ADARB2: variants seen among roughly 807,000 people sequenced by gnomAD.
ADARB2 encodes the protein inactive double-stranded RNA-specific editase B2.
A neutral mutation model predicts 62.2 loss-of-function variants in ADARB2; 25 were observed. The ratio of observed to expected loss-of-function variants is 0.40; its 90% CI spans 0.29 to 0.56. The LOEUF (loss-of-function observed/expected upper bound fraction) is 0.56, where lower values mean the gene tolerates loss of function less well. ADARB2 is among the 20% of genes least tolerant of loss of function. ADARB2 has a pLI of 0.43. For missense variants in ADARB2, 1,071 were observed against 1,077.4 expected (o/e 0.99, Z 0.08); for synonymous variants, 572 against 500.8 (o/e 1.14, Z -1.90).
At chr10:1,539,533 T>C (rs2138692) in intron 1 of ADARB2, among the ~76,000 whole-genome samples, 56,383 of 152,082 alleles carry the variant, frequency 0.37, 10,904 homozygotes, top group East Asian at 0.74. Context: ...AAACAGGAAA[T>C]GAAACACAAC....
At chr10:1,190,375 C>T (rs184959861) in intron 8 of ADARB2, among the ~76,000 whole-genome samples, 4 of 152,348 alleles carry the variant, frequency 2.6e-5, no homozygotes, top group Admixed American at 6.5e-5. Flanking sequence ...CTGTGATGCA[C>T]CTCCTGCCTT....
At chr10:1,534,791 A>G (rs2944719) in intron 1 of ADARB2, 80,733 of 166,904 alleles carry the variant, frequency 0.48, 20,069 homozygotes, top group African/African-American at 0.54. Flanking sequence ...GAGATTTGAT[A>G]TCTGCTTCCC....
intron 3 of ADARB2, among the ~76,000 whole-genome samples, chr10:1,356,348 G>A (rs1443903437): frequency 6.6e-6 from 1 of 152,240 alleles, no homozygotes; most frequent in Non-Finnish European, 1.5e-5. Flanking sequence ...GGGAAGAATG[G>A]TCCCAGAGAC....
intron 1 of ADARB2, among the ~76,000 whole-genome samples, chr10:1,485,182 C>A (rs921540043): frequency 6.6e-6 from 1 of 151,008 alleles, no homozygotes; most frequent in Non-Finnish European, 1.5e-5. Context: ...ATGTAGATAC[C>A]TATGTAGGTA....
At chr10:1,416,814 G>A (rs1308933550) in intron 1 of ADARB2, among the ~76,000 whole-genome samples, 2 of 152,246 alleles carry the variant, frequency 1.3e-5, no homozygotes, top group Non-Finnish European at 2.9e-5. Flanking sequence ...ACCCCATTAG[G>A]TCAGCCAACC....
intron 1 of ADARB2, among the ~76,000 whole-genome samples, chr10:1,475,377 G>A (rs976489837): frequency 6.6e-6 from 1 of 152,170 alleles, no homozygotes; most frequent in Non-Finnish European, 1.5e-5. Context: ...GTGCTGTGAC[G>A]GGAAGGCAGG....
At chr10:1,266,523 C>T (rs913259667) in intron 4 of ADARB2, among the ~76,000 whole-genome samples, 2 of 150,902 alleles carry the variant, frequency 1.3e-5, no homozygotes, top group Admixed American at 6.6e-5. Flanking sequence ...GGGGGGGGGC[C>T]GTGCCCACAA....
chr10:1,728,455 TTCTC>T (rs960781629), intron 1 of ADARB2, among the ~76,000 whole-genome samples: 3 of 152,216 alleles, frequency 2.0e-5, no homozygotes, highest in African/African-American at 7.2e-5. Flanking sequence ...TATTTCAACT[TTCTC>T]TATTTGAATA....
At chr10:1,206,095 CAT>C (rs1837058252) in intron 7 of ADARB2, among the ~76,000 whole-genome samples, 1 of 152,256 alleles carries the variant, frequency 6.6e-6, no homozygotes, top group Admixed American at 6.5e-5. Context: ...CCAGGCCACA[CAT>C]ATCTCATTTC....
At position 1,475,697 on chromosome 10, in the gene ADARB2, G is replaced by A. The variant is rs1285392549; in HGVS notation, c.101-96537C>T. On this transcript the variant is annotated intron_variant, in intron 1 of 9. Transcript: ENST00000381312. The stretch of plus-strand genomic sequence containing the variant: ...ACCTTATTATGAGAATTCTATGAAC[G>A]CTTGATGTGTGATGGATATTTTGCA... Among the ~76,000 whole-genome samples the A allele has an allele frequency of 3.9e-5, 6 of 152,310 alleles. No individual in the cohort carries two copies. The South Asian group carries it at 1.2e-3, about 32-fold the overall frequency.
In ADARB2 at chr10:1,244,555, G is replaced by A. The variant is rs1017132904; in HGVS notation, c.1193-2256C>T. On this transcript the variant is annotated intron_variant, in intron 4 of 9. Transcript: ENST00000381312. ...ACTCTGCCACACTCAGCACAATTAC[G>A]TGGCCCAAGAAGTGTTTGCATATTC... 6.6e-5 allele frequency among the ~76,000 whole-genome samples: 10 copies of A among 152,154 alleles called. No homozygotes were observed. In the East Asian group the frequency reaches 7.7e-4, roughly 12 times the overall value.
At chr10:1,206,360 A>G (rs952728133) in intron 7 of ADARB2, among the ~76,000 whole-genome samples, 9 of 151,680 alleles carry the variant, frequency 5.9e-5, no homozygotes, top group African/African-American at 2.2e-4. Flanking sequence ...TGTGCGTCTG[A>G]GAGAACTGGG....
At chr10:1,245,435 T>C (rs1427494356) in intron 4 of ADARB2, among the ~76,000 whole-genome samples, 7 of 152,190 alleles carry the variant, frequency 4.6e-5, no homozygotes, top group African/African-American at 1.4e-4. Context: ...GTGCTGCACC[T>C]GTTAACTTGT....
At chr10:1,711,577 A>G (rs746113371) in intron 1 of ADARB2, among the ~76,000 whole-genome samples, 14 of 152,230 alleles carry the variant, frequency 9.2e-5, no homozygotes, top group Non-Finnish European at 1.5e-4. Context: ...GAGAATAACA[A>G]GAGAGCTGGA....
chr10:1,191,019 C>T (rs2131737047), intron 8 of ADARB2, among the ~76,000 whole-genome samples: 1 of 150,724 alleles, frequency 6.6e-6, no homozygotes, highest in Non-Finnish European at 1.5e-5. Flanking sequence ...CGCTCTGGGC[C>T]CCACACTCTG....
intron 1 of ADARB2, among the ~76,000 whole-genome samples, chr10:1,543,639 T>C (rs1252914174): frequency 6.6e-6 from 1 of 152,178 alleles, no homozygotes; most frequent in Non-Finnish European, 1.5e-5. Context: ...AGAGGAAAGA[T>C]AAATTGTCAC....
intron 1 of ADARB2, among the ~76,000 whole-genome samples, chr10:1,510,110 C>CTCTTTCTCTCTTTCTCTCTT (rs1554767638): frequency 1.9e-5 from 2 of 106,252 alleles, no homozygotes; most frequent in Middle Eastern, 4.4e-3. Context: ...CTTTCTTTCT[C>CTCTTTCTCTCTTTCTCTCTT]TCTTTCTTTC....
chr10:1,185,323 C>A lies in ADARB2; in HGVS notation c.1865-284G>T, dbSNP rs191046347. Among the ~76,000 whole-genome samples the A allele has an allele frequency of 2.5e-3, 375 of 152,326 alleles. 3 individuals are homozygous for A. Among genetic ancestry groups the A allele is most frequent in the African/African-American group, 7.2e-3 (301 of 41,578 alleles). Reference sequence around the variant, plus strand: ...ATATAGCTCCGTCCAGATTCCCCCCCCTTCTGTAAATATTAGTTGAGTGAA... The same window carrying A: ...ATATAGCTCCGTCCAGATTCCCCCCACTTCTGTAAATATTAGTTGAGTGAA... On this transcript the variant is annotated intron_variant, in intron 8 of 9. Transcript: ENST00000381312.
chr10:1,638,524 G>T (rs1291777836), intron 1 of ADARB2, among the ~76,000 whole-genome samples: 5 of 151,392 alleles, frequency 3.3e-5, no homozygotes, highest in Admixed American at 2.6e-4. Flanking sequence ...TTTTGGTCAG[G>T]CCAATTATAG....
Sources: gnomAD v4.1 joint callset for allele counts (sites outside exome capture counted in the v4.1 genomes callset) on GRCh38, gnomAD v4.1.1 for gene constraint, MANE v1.5 for transcripts, NCBI Gene and HGNC (gene_info 2026-07-23, HGNC 2026-07-21) for gene names.